NAV2: variants seen among roughly 807,000 people sequenced by gnomAD.
NAV2 encodes the protein helicase, APC down-regulated 1.
NAV2 carries 54 observed loss-of-function variants against 223.2 expected under a neutral mutation model. That is an observed-to-expected ratio of 0.24 (90% CI 0.19 to 0.30). NAV2 has a LOEUF of 0.30. Among genes scored for constraint, NAV2 ranks in the 10% least tolerant of loss-of-function variants. NAV2 has a pLI of 1.00. For synonymous variants in NAV2, 1,279 were observed against 1,239.3 expected, an observed-to-expected ratio of 1.03 and a Z score of -0.67; for missense variants, 2,806 against 3,147.5, an observed-to-expected ratio of 0.89 and a Z score of 2.60.
intron 26 of NAV2, among the ~76,000 whole-genome samples, chr11:20,085,554 G>A (rs1472186176): frequency 1.3e-4 from 20 of 152,232 alleles, no homozygotes; most frequent in Admixed American, 1.2e-3. Flanking sequence ...CTGCATGCCA[G>A]GGGGAGCCAC....
At chr11:20,056,382 C>A in intron 19 of NAV2, 1 of 649,048 alleles carries the variant, frequency 1.5e-6, no homozygotes, top group Non-Finnish European at 2.7e-6. Flanking sequence ...GGCAGCCACG[C>A]CTTTCTGCTC....
chr11:19,458,375 C>G (rs542245500), intron 1 of NAV2, among the ~76,000 whole-genome samples: 1 of 152,192 alleles, frequency 6.6e-6, no homozygotes, highest in Non-Finnish European at 1.5e-5. Flanking sequence ...TACTTGCACA[C>G]GGAATGATTC....
intron 1 of NAV2, among the ~76,000 whole-genome samples, chr11:19,379,908 A>G (rs982320790): frequency 3.9e-5 from 6 of 152,154 alleles, no homozygotes; most frequent in Non-Finnish European, 7.4e-5. Flanking sequence ...CCAAATCACC[A>G]AACACCATTC....
intron 1 of NAV2, among the ~76,000 whole-genome samples, chr11:19,456,333 T>C (rs1228101062): frequency 6.6e-6 from 1 of 152,222 alleles, no homozygotes; most frequent in Non-Finnish European, 1.5e-5. Flanking sequence ...TTTCATTGAC[T>C]CCTCGAAGTC....
upstream of NAV2, among the ~76,000 whole-genome samples, chr11:19,710,390 T>C (rs1703270024): frequency 6.6e-6 from 1 of 152,232 alleles, no homozygotes; most frequent in South Asian, 2.1e-4. Flanking sequence ...TTTAGCAAGA[T>C]CCCCAGTGAT....
chr11:19,409,989 G>T (rs1269335191), intron 1 of NAV2, among the ~76,000 whole-genome samples: 3 of 152,054 alleles, frequency 2.0e-5, no homozygotes, highest in Non-Finnish European at 4.4e-5. Context: ...AACTTCTCTG[G>T]GACGCTCTCC....
At chr11:19,430,092 T>G (rs11025136) in intron 1 of NAV2, among the ~76,000 whole-genome samples, 1 of 152,240 alleles carries the variant, frequency 6.6e-6, no homozygotes, top group African/African-American at 2.4e-5. Flanking sequence ...GAGGAGACCC[T>G]GGCTGTCCTT....
chr11:19,964,883 G>A (rs1489369131), intron 10 of NAV2, among the ~76,000 whole-genome samples: 2 of 133,164 alleles, frequency 1.5e-5, no homozygotes, highest in Non-Finnish European at 3.1e-5. Flanking sequence ...GCAATGGCAC[G>A]ATCTCGGCTC....
At chr11:20,092,016 C>T (rs779579604) in intron 27 of NAV2, among the ~76,000 whole-genome samples, 190 bp from the exon 28 acceptor site, 1 of 152,180 alleles carries the variant, frequency 6.6e-6, no homozygotes, top group Non-Finnish European at 1.5e-5. Context: ...AATGGATGGA[C>T]CTCCCATGGC....
At chr11:19,680,239 C>T (rs1036136375) in intron 1 of NAV2, among the ~76,000 whole-genome samples, 1 of 152,168 alleles carries the variant, frequency 6.6e-6, no homozygotes, top group Non-Finnish European at 1.5e-5. Context: ...CTCTTTAGAG[C>T]GTTTTCCTGC....
intron 1 of NAV2, among the ~76,000 whole-genome samples, chr11:19,735,674 T>G (rs1820351): frequency 0.13 from 19,423 of 152,222 alleles, 1,403 homozygotes; most frequent in African/African-American, 0.19. Flanking sequence ...TCCTGCATGA[T>G]GCATGAAATT....
intron 1 of NAV2, among the ~76,000 whole-genome samples, chr11:19,448,703 C>T (rs1240865214): frequency 6.6e-6 from 1 of 152,232 alleles, no homozygotes; most frequent in Non-Finnish European, 1.5e-5. Context: ...ACATTCCTTA[C>T]TTCATATTAT....
chr11:19,915,505 A>T (rs546375978), intron 6 of NAV2, among the ~76,000 whole-genome samples: 2 of 152,320 alleles, frequency 1.3e-5, no homozygotes, highest in African/African-American at 4.8e-5. Flanking sequence ...ATGTGTTTTC[A>T]TGCAAAGGCC....
rs1306506344 is a variant in NAV2 at position 19,451,254 on chromosome 11, T to C, written c.75+100227T>C. On this transcript the variant is annotated intron_variant, in intron 1 of 37. Transcript: ENST00000360655. Reference sequence around the variant, plus strand: ...CCTGCTGCCTATTGTCTCCACCTCCTCTCATTTCTCTGCCCCTCCCTCATT... The same window carrying C: ...CCTGCTGCCTATTGTCTCCACCTCCCCTCATTTCTCTGCCCCTCCCTCATT... Among the ~76,000 whole-genome samples the C allele has an allele frequency of 4.4e-4, 67 of 152,118 alleles. 1 individual carries two copies. Among genetic ancestry groups the C allele is most frequent in the Admixed American group, 4.3e-3 (65 of 15,260 alleles).
chr11:19,765,147 C>A (rs886472967), intron 1 of NAV2, among the ~76,000 whole-genome samples: 10 of 152,128 alleles, frequency 6.6e-5, no homozygotes, highest in Non-Finnish European at 2.9e-5. Flanking sequence ...TGCTTAGGAC[C>A]CTCCAGTGAC....
At chr11:19,587,566 G>A (rs2045940835) in intron 1 of NAV2, among the ~76,000 whole-genome samples, 1 of 152,168 alleles carries the variant, frequency 6.6e-6, no homozygotes, top group Non-Finnish European at 1.5e-5. Context: ...TTTTATCAGG[G>A]CTTTTTGGTC....
chr11:19,868,596 T>C (rs1056067666), intron 3 of NAV2, among the ~76,000 whole-genome samples: 17 of 152,192 alleles, frequency 1.1e-4, no homozygotes, highest in African/African-American at 3.9e-4. Context: ...GTGTGTCCAC[T>C]AACCCTTTCC....
At chr11:19,785,435 C>T (rs71488717) in intron 1 of NAV2, among the ~76,000 whole-genome samples, 12,154 of 152,268 alleles carry the variant, frequency 0.08, 611 homozygotes, top group Non-Finnish European at 0.1. Flanking sequence ...CCTGCCATCT[C>T]CCATTACCTG....
intron 22 of NAV2, among the ~76,000 whole-genome samples, chr11:20,076,428 T>A (rs2059759205): frequency 6.6e-6 from 1 of 151,992 alleles, no homozygotes; most frequent in African/African-American, 2.4e-5. Flanking sequence ...ATCCTTCTCA[T>A]CTGCTGCTCA....
Sources: gnomAD v4.1 joint callset for allele counts (sites outside exome capture counted in the v4.1 genomes callset) on GRCh38, gnomAD v4.1.1 for gene constraint, MANE v1.5 for transcripts, NCBI Gene and HGNC (gene_info 2026-07-23, HGNC 2026-07-21) for gene names.